DYM: variants seen among roughly 807,000 people sequenced by gnomAD.
DYM encodes the protein dyggve-Melchior-Clausen syndrome protein.
DYM carries 78 observed loss-of-function variants against 93.1 expected under a neutral mutation model. That is an observed-to-expected ratio of 0.84 (90% confidence interval 0.70 to 1.01). The LOEUF is 1.01. DYM is among the 50% of genes least tolerant of loss of function. The pLI, the probability that DYM is intolerant of heterozygous loss-of-function variation, is 0.00. For synonymous variants in DYM, 321 were observed against 319.7 expected (o/e 1.00, Z -0.04); for missense variants, 789 against 845.0 (o/e 0.93, Z 0.82).
At chr18:49,344,339 C>A (rs1412960451) in intron 6 of DYM, among the ~76,000 whole-genome samples, 1 of 152,094 alleles carries the variant, frequency 6.6e-6, no homozygotes, top group Admixed American at 6.6e-5. Context: ...CCTTCTGCCT[C>A]CAAACTGCTT....
Position 49,333,861 on chromosome 18 carries a change from G to A in DYM, c.495-8C>T, listed in dbSNP as rs1310427967. The A allele has an allele frequency of 6.2e-7, 1 of 1,604,500 alleles. No homozygotes were observed. Among genetic ancestry groups the A allele is most frequent in the Non-Finnish European group, 8.5e-7 (1 of 1,173,708 alleles). On this transcript the variant is annotated splice_region_variant and splice_polypyrimidine_tract_variant and intron_variant, in intron 6 of 17. Transcript: ENST00000675505. Reference sequence around the variant, plus strand: ...ATTTCATATGTAATATCTCTAAAATGGAAGAAAAACAGAGTAACAGTCACT... The same window carrying A: ...ATTTCATATGTAATATCTCTAAAATAGAAGAAAAACAGAGTAACAGTCACT...
In DYM at chr18:49,363,233, C is replaced by A; in HGVS notation, c.422G>T (p.Ser141Ile). The change falls in exon 6 of 18, where the codon AGT becomes ATT. Residue 141 changes from serine to isoleucine, a missense_variant and splice_region_variant. Transcript: ENST00000675505. ...TTCCAAAAGATCTTCTGAGTCAGAA[C>A]CTGGTAAGACACATAAAAAGATTTT... is the stretch of plus-strand genomic sequence containing the variant. ...TYEEKSPGNY[S>I]SDSEDLLEEL... 6.2e-7 allele frequency: 1 copy of A among 1,612,490 alleles called. No individual in the cohort carries two copies. Among genetic ancestry groups the A allele is most frequent in the South Asian group, 1.1e-5 (1 of 91,000 alleles).
At chr18:49,180,588 C>G (rs2089832775) in intron 14 of DYM, among the ~76,000 whole-genome samples, 1 of 152,026 alleles carries the variant, frequency 6.6e-6, no homozygotes, top group Non-Finnish European at 1.5e-5. Context: ...AACTTGATAC[C>G]TGGGGCACTA....
At chr18:49,071,357 G>C (rs2076873867) in intron 17 of DYM, among the ~76,000 whole-genome samples, 1 of 152,126 alleles carries the variant, frequency 6.6e-6, no homozygotes, top group African/African-American at 2.4e-5. Context: ...AGAAAAATAA[G>C]ATAACCCCTG....
intron 17 of DYM, among the ~76,000 whole-genome samples, chr18:49,064,999 T>G (rs1333111463): frequency 1.3e-5 from 2 of 151,976 alleles, no homozygotes; most frequent in Non-Finnish European, 2.9e-5. Context: ...TTTACTTACT[T>G]ACATGATTTA....
At chr18:49,448,020 T>A (rs2082241999) in intron 1 of DYM, among the ~76,000 whole-genome samples, 1 of 152,144 alleles carries the variant, frequency 6.6e-6, no homozygotes, top group Non-Finnish European at 1.5e-5. Context: ...CGCCACCTAG[T>A]GAAATAGGAA....
chr18:49,262,219 G>A (rs1361108673), intron 11 of DYM, among the ~76,000 whole-genome samples: 1 of 152,192 alleles, frequency 6.6e-6, no homozygotes, highest in African/African-American at 2.4e-5. Flanking sequence ...CTGGAGTGAT[G>A]TAGATAGATG....
At chr18:49,357,796 T>C (rs1051813619) in intron 6 of DYM, among the ~76,000 whole-genome samples, 3 of 152,154 alleles carry the variant, frequency 2.0e-5, no homozygotes, top group Non-Finnish European at 4.4e-5. Flanking sequence ...ATTCTAGTTT[T>C]ATTGGGAAAA....
intron 6 of DYM, among the ~76,000 whole-genome samples, chr18:49,355,430 C>T (rs1214216607): frequency 1.3e-5 from 2 of 151,870 alleles, no homozygotes; most frequent in East Asian, 1.9e-4. Flanking sequence ...TTGACAGATA[C>T]AATTGATACA....
intron 17 of DYM, among the ~76,000 whole-genome samples, chr18:49,092,071 T>C (rs1038523512): frequency 2.6e-5 from 4 of 152,238 alleles, no homozygotes; most frequent in African/African-American, 9.6e-5. Context: ...TATCAAACTT[T>C]CATTTCAGTT....
chr18:49,056,027 C>T (rs181959016), intron 17 of DYM, among the ~76,000 whole-genome samples: 3 of 152,206 alleles, frequency 2.0e-5, no homozygotes, highest in East Asian at 1.9e-4. Flanking sequence ...CCAGCAGCCA[C>T]GTGAGCCTGG....
intron 14 of DYM, among the ~76,000 whole-genome samples, chr18:49,191,777 T>C (rs1438382379): frequency 6.6e-6 from 1 of 152,216 alleles, no homozygotes; most frequent in Non-Finnish European, 1.5e-5. Context: ...AAATTTGTAA[T>C]GGCTCTACGA....
intron 17 of DYM, among the ~76,000 whole-genome samples, chr18:49,080,512 G>C (rs1322091088): frequency 3.6e-5 from 5 of 140,392 alleles, no homozygotes; most frequent in African/African-American, 7.9e-5. Context: ...CGGGCAGAGG[G>C]GCTCCTCACT....
chr18:49,158,540 A>G (rs2166670), intron 15 of DYM, among the ~76,000 whole-genome samples: 99,082 of 152,012 alleles, frequency 0.65, 32,848 homozygotes, highest in Non-Finnish European at 0.73. Context: ...CCCATGTTAT[A>G]TAAGTGTTAA....
rs2066187698 is a variant in DYM at position 49,363,164 on chromosome 18, A to T, written c.491T>A (p.Leu164His). Residue 164 changes from leucine to histidine, a missense_variant, in exon 6 of 18, where the codon CTC (leucine) becomes CAC (histidine). Transcript: ENST00000675505. ...CLMQLITDIP[L>H]LDITYEISVE... is the part of the protein sequence containing the mutation. Reference sequence around the variant, plus strand: ...TCCTGGCCTAGCCAGAACTTACAAGAGTGGAATATCAGTGATCAACTGCAT... The same window carrying T: ...TCCTGGCCTAGCCAGAACTTACAAGTGTGGAATATCAGTGATCAACTGCAT... 1.2e-6 allele frequency: 2 copies of T among 1,612,762 alleles called. No individual in the cohort carries two copies. Among genetic ancestry groups the T allele is most frequent in the African/African-American group, 1.3e-5 (1 of 74,930 alleles).
intron 13 of DYM, among the ~76,000 whole-genome samples, chr18:49,252,239 A>AAAAAAAAAAAAAAAAAAAC (rs2094306275): frequency 6.8e-6 from 1 of 147,976 alleles, no homozygotes; most frequent in Non-Finnish European, 1.5e-5. Context: ...AAAAAAAAAA[A>AAAAAAAAAAAAAAAAAAAC]AAAGAACTGC....
At chr18:49,317,159 T>C (rs1027204277) in intron 8 of DYM, among the ~76,000 whole-genome samples, 2 of 152,226 alleles carry the variant, frequency 1.3e-5, no homozygotes, top group African/African-American at 4.8e-5. Flanking sequence ...AATTTGTATA[T>C]GAGGACTGTA....
intron 10 of DYM, among the ~76,000 whole-genome samples, chr18:49,276,086 G>C (rs182896992): frequency 5.9e-4 from 90 of 151,988 alleles, no homozygotes; most frequent in Admixed American, 1.6e-3. Flanking sequence ...AAATGCCCAG[G>C]CTAGAATCTC....
chr18:49,055,156 GT>G (rs1425167527), intron 17 of DYM, among the ~76,000 whole-genome samples: 2 of 152,280 alleles, frequency 1.3e-5, no homozygotes, highest in African/African-American at 4.8e-5. Flanking sequence ...TGGGGTGGGG[GT>G]TGCTGGAACT....
Sources: allele counts gnomAD v4.1 joint callset (sites outside exome capture counted in the v4.1 genomes callset), GRCh38; gene constraint gnomAD v4.1.1; transcripts MANE v1.5; gene names NCBI Gene and HGNC (gene_info 2026-07-23, HGNC 2026-07-21).